The following UIMC1 variants were observed in gnomAD, a reference collection of about 807,000 sequenced individuals.
UIMC1 encodes the protein BRCA1-A complex subunit RAP80.
UIMC1 carries 42 observed loss-of-function variants against 84.9 expected under a neutral mutation model. The observed-to-expected ratio is 0.49, with a 90% CI of 0.39 to 0.64. The LOEUF (loss-of-function observed/expected upper bound fraction) is 0.64. UIMC1 is among the 30% of genes least tolerant of loss of function. UIMC1 has a pLI of 0.00. For missense variants in UIMC1, 825 were observed against 847.6 expected (o/e 0.97, Z 0.33); for synonymous variants, 281 against 293.0 (o/e 0.96, Z 0.42).
At chr5:177,001,406 T>C (rs1240674110) in intron 1 of UIMC1, 1 of 152,156 alleles carries the variant, frequency 6.6e-6, no homozygotes, top group Non-Finnish European at 1.5e-5. Flanking sequence ...TCTAAATAAG[T>C]AGAGACATAC....
At chr5:176,954,746 T>TC (rs1189024504) in intron 8 of UIMC1, among the ~76,000 whole-genome samples, 2 of 124,580 alleles carry the variant, frequency 1.6e-5, no homozygotes, top group East Asian at 4.5e-4. Flanking sequence ...AAACTCTGTC[T>TC]CAAAAAAAAA....
chr5:176,971,011 C>A (rs1281570394), intron 3 of UIMC1, 145 bp from the exon 4 acceptor site: 8 of 1,183,166 alleles, frequency 6.8e-6, no homozygotes. Context: ...ATGAGGAAAA[C>A]CCCAGAAGGA....
chr5:176,991,115 C>G (rs943618482), intron 1 of UIMC1, among the ~76,000 whole-genome samples: 2 of 152,078 alleles, frequency 1.3e-5, no homozygotes, highest in Admixed American at 1.3e-4. Context: ...TCACACCATT[C>G]TCCTGCTTCA....
In UIMC1 at chr5:176,905,433, G is replaced by A. The variant is rs757135862; in HGVS notation, c.2009C>T (p.Thr670Ile). ...GCSREMQSSF[T>I]RRDLNESPVK... ...GGGAGATTCATTTAAGTCACGACGT[G>A]TGAAAGAACTCTGCATCTCTCTGCT... Residue 670 changes from threonine to isoleucine, a missense_variant, in exon 15 of 15, where the codon ACA (threonine) becomes ATA (isoleucine). Transcript: ENST00000511320. 2 of 1,614,160 alleles carry A rather than the reference G, an allele frequency of 1.2e-6. No homozygotes were observed. Among genetic ancestry groups the A allele is most frequent in the East Asian group, 2.2e-5 (1 of 44,890 alleles).
chr5:176,986,262 A>G (rs1771969289), intron 1 of UIMC1, among the ~76,000 whole-genome samples: 1 of 147,168 alleles, frequency 6.8e-6, no homozygotes, highest in South Asian at 2.2e-4. Flanking sequence ...CCAGAAGCTG[A>G]GGCAGGAGAA....
intron 3 of UIMC1, among the ~76,000 whole-genome samples, chr5:176,973,162 C>T (rs547378046): frequency 1.7e-3 from 251 of 152,108 alleles, no homozygotes; most frequent in African/African-American, 5.7e-3. Flanking sequence ...GTGATCCACC[C>T]GCCTCGGCCT....
intron 1 of UIMC1, among the ~76,000 whole-genome samples, chr5:176,992,216 C>A (rs1226782180): frequency 6.6e-6 from 1 of 152,172 alleles, no homozygotes; most frequent in Non-Finnish European, 1.5e-5. Flanking sequence ...AGATTGGCTT[C>A]AGGGGATTAA....
At chr5:177,013,474 C>T (rs965822299) in intron 1 of UIMC1, among the ~76,000 whole-genome samples, 6 of 151,888 alleles carry the variant, frequency 4.0e-5, no homozygotes, top group Admixed American at 1.3e-4. Flanking sequence ...TTACCCTAAT[C>T]CGGTGGTCAA....
intron 6 of UIMC1, among the ~76,000 whole-genome samples, chr5:176,965,204 G>A (rs1023148512): frequency 6.6e-6 from 1 of 152,026 alleles, no homozygotes; most frequent in African/African-American, 2.4e-5. Context: ...GGTGGATCAC[G>A]AGGTCAGGAG....
At position 176,968,741 on chromosome 5, in the gene UIMC1, T is replaced by C. The variant is rs1374104748; in HGVS notation, c.1014A>G (p.Gln338=). 7 of 1,614,104 alleles carry C rather than the reference T, an allele frequency of 4.3e-6. No individual in the cohort carries two copies. In the South Asian group the frequency reaches 6.6e-5, roughly 15 times the overall value. ...CATTTTTCTCACTAGCCTGCTCTCC[T>C]TGGCCACATTCATTCTGGATCAGAG... ...PPSLIQNECG[Q]GEQASEKNEC... Residue 338 remains glutamine (Q), a synonymous_variant, in exon 6 of 15, where the codon CAA becomes CAG. Coordinates refer to ENST00000511320, the MANE Select transcript of UIMC1 (RefSeq NM_001199298.2).
intron 5 of UIMC1, 59 bp from the exon 6 acceptor site, chr5:176,969,350 G>A: frequency 6.5e-7 from 1 of 1,535,614 alleles, no homozygotes; most frequent in South Asian, 1.3e-5. Context: ...AGAGGGCTTG[G>A]TAAGTTATCA....
At chr5:176,952,059 C>T (rs1765953844) in intron 8 of UIMC1, among the ~76,000 whole-genome samples, 2 of 152,126 alleles carry the variant, frequency 1.3e-5, no homozygotes, top group African/African-American at 2.4e-5. Flanking sequence ...GGACCCATGT[C>T]GTCACATAAT....
chr5:176,951,987 A>G (rs1212669222), intron 8 of UIMC1, among the ~76,000 whole-genome samples: 1 of 152,230 alleles, frequency 6.6e-6, no homozygotes, highest in Non-Finnish European at 1.5e-5. Flanking sequence ...TGTCTCTCAT[A>G]TAAATAGAAT....
At chr5:176,979,968 A>G (rs1770763969) in intron 2 of UIMC1, among the ~76,000 whole-genome samples, 1 of 152,144 alleles carries the variant, frequency 6.6e-6, no homozygotes, top group East Asian at 1.9e-4. Flanking sequence ...AACACCATCC[A>G]ACTGGCTGGG....
At chr5:176,999,342 C>G (rs1275289467) in intron 1 of UIMC1, among the ~76,000 whole-genome samples, 1 of 152,082 alleles carries the variant, frequency 6.6e-6, no homozygotes, top group African/African-American at 2.4e-5. Flanking sequence ...TACAGGTACA[C>G]AATATGTAAT....
intron 9 of UIMC1, among the ~76,000 whole-genome samples, chr5:176,949,444 G>A (rs1440019278): frequency 6.6e-6 from 1 of 152,164 alleles, no homozygotes; most frequent in Non-Finnish European, 1.5e-5. Context: ...CCTTAACTAA[G>A]GGCTTCTTCT....
At chr5:177,014,799 T>C (rs1775638688) in intron 1 of UIMC1, among the ~76,000 whole-genome samples, 1 of 152,144 alleles carries the variant, frequency 6.6e-6, no homozygotes, top group African/African-American at 2.4e-5. Flanking sequence ...AGTGCTAAAG[T>C]TCATCCAGCA....
At position 176,965,145 on chromosome 5, in the gene UIMC1, G is replaced by A. The variant is rs73341865; in HGVS notation, c.1200+3410C>T. ...TTCTATTTTAAAACTTCTGAAGCCA[G>A]GCGCGGTGGCTCACGCCTGTAATCC... is the stretch of plus-strand genomic sequence containing the variant. On this transcript the variant is annotated intron_variant, in intron 6 of 14. Coordinates refer to ENST00000511320, the MANE Select transcript of UIMC1 (RefSeq NM_001199298.2). Among the ~76,000 whole-genome samples the A allele has an allele frequency of 4.0e-3, 611 of 152,294 alleles. 4 individuals carry two copies. Among genetic ancestry groups the A allele is most frequent in the African/African-American group, 0.014 (593 of 41,542 alleles).
chr5:176,932,500 C>G (rs1561767975), intron 10 of UIMC1, among the ~76,000 whole-genome samples: 1 of 150,824 alleles, frequency 6.6e-6, no homozygotes, highest in Non-Finnish European at 1.5e-5. Context: ...AAACAGGAGA[C>G]AGATATAGAT....
Sources: gnomAD v4.1 joint callset for allele counts (sites outside exome capture counted in the v4.1 genomes callset) on GRCh38, gnomAD v4.1.1 for gene constraint, MANE v1.5 for transcripts, NCBI Gene and HGNC (gene_info 2026-07-23, HGNC 2026-07-21) for gene names.